The following CHN1 variants were observed in gnomAD, a reference collection of about 807,000 sequenced individuals.
CHN1 encodes the protein N-chimaerin.
CHN1 carries 37 observed loss-of-function variants against 59.5 expected under a neutral mutation model. The observed-to-expected ratio is 0.62, with a 90% confidence interval of 0.48 to 0.82. CHN1 has a LOEUF of 0.82. CHN1 is among the 40% of genes least tolerant of loss of function. CHN1 has a pLI of 0.00. For missense variants in CHN1, 469 were observed against 571.0 expected (o/e 0.82, Z 1.82); for synonymous variants, 206 against 200.4 (o/e 1.03, Z -0.24).
At chr2:174,817,786 C>T (rs372152913) in intron 8 of CHN1, among the ~76,000 whole-genome samples, 40 of 152,154 alleles carry the variant, frequency 2.6e-4, no homozygotes, top group African/African-American at 8.4e-4. Flanking sequence ...TACAGGCGCC[C>T]GCCACCACGC....
intron 5 of CHN1, among the ~76,000 whole-genome samples, chr2:174,891,582 G>T (rs1443044782): frequency 6.8e-6 from 1 of 147,698 alleles, no homozygotes; most frequent in South Asian, 2.1e-4. Flanking sequence ...AAAAAAAAAA[G>T]AAAAAAAAGA....
Position 174,801,793 on chromosome 2 carries a change from C to G in CHN1, c.1122G>C (p.Glu374Asp), listed in dbSNP as rs1171573330. The G allele has an allele frequency of 6.2e-7, 1 of 1,612,820 alleles. No individual in the cohort carries two copies. Among genetic ancestry groups the G allele is most frequent in the South Asian group, 1.1e-5 (1 of 91,052 alleles). Residue 374 changes from glutamate (E) to aspartate (D), a missense_variant, in exon 12 of 13, where the codon GAG becomes GAC. Transcript: ENST00000409900. ...GTGCTTCATGAAGGGTTTCCAATTG[C>G]TCATCCGGATCCATAATTTCTAAAA... ...IESAKIMDPD[E>D]QLETLHEALK...
At chr2:174,866,279 T>A (rs1373508604) in intron 6 of CHN1, among the ~76,000 whole-genome samples, 1 of 152,184 alleles carries the variant, frequency 6.6e-6, no homozygotes, top group Non-Finnish European at 1.5e-5. Flanking sequence ...CTTTTAGGAA[T>A]CTTAACACCA....
intron 5 of CHN1, among the ~76,000 whole-genome samples, chr2:174,907,914 T>C (rs1415645150): frequency 6.6e-6 from 1 of 152,156 alleles, no homozygotes; most frequent in East Asian, 1.9e-4. Flanking sequence ...TAAAAGAAAA[T>C]ATAATTTTCC....
chr2:174,811,476 T>C (rs1158142241), intron 10 of CHN1, 35 bp downstream of exon 10: 3 of 1,455,900 alleles, frequency 2.1e-6, no homozygotes, highest in Admixed American at 3.7e-5. Flanking sequence ...AAGAGTATTA[T>C]TGTCCTAAGT....
chr2:174,993,142 A>C (rs1691601607), intron 1 of CHN1, among the ~76,000 whole-genome samples: 1 of 147,536 alleles, frequency 6.8e-6, no homozygotes, highest in African/African-American at 2.5e-5. Flanking sequence ...TTGTTATATG[A>C]TCACACTGAC....
chr2:174,800,562 A>G (rs1684687764), intron 12 of CHN1, among the ~76,000 whole-genome samples: 1 of 152,366 alleles, frequency 6.6e-6, no homozygotes, highest in Non-Finnish European at 1.5e-5. Context: ...CTCCTGCCAC[A>G]GCCCACCTAC....
chr2:175,005,331 A>T lies in CHN1; in HGVS notation c.-419T>A. ...GCACAGCCCCCGGCGGGGCGCGCTC[A>T]CTCCGCATCCCGCGGCCTCGCAGAC... On this transcript the variant is annotated 5_prime_UTR_variant, in exon 1 of 13. It removes the in-frame stop codon of an upstream open reading frame in the 5' UTR. Coordinates refer to ENST00000409900, the MANE Select transcript of CHN1 (RefSeq NM_001822.7). 2 of 1,169,446 alleles carry T rather than the reference A, an allele frequency of 1.7e-6. No individual in the cohort carries two copies. Among genetic ancestry groups the T allele is most frequent in the Non-Finnish European group, 2.2e-6 (2 of 929,730 alleles). 72.4% of individuals were successfully genotyped at this position (1,169,446 alleles called of 1,614,324 possible).
rs570172097 is a variant in CHN1 at position 174,874,236 on chromosome 2, A to T, written c.549+3604T>A. ...TTGTATTCACTACTTGGAATACCAA[A>T]CTATTCAAATACAGTTCCAAGATAA... On this transcript the variant is annotated intron_variant, in intron 6 of 12. Coordinates refer to ENST00000409900, the MANE Select transcript of CHN1 (RefSeq NM_001822.7). 1.8e-4 allele frequency among the ~76,000 whole-genome samples: 28 copies of T among 152,334 alleles called. No homozygotes were observed. The South Asian group carries it at 5.8e-3, about 32-fold the overall frequency.
chr2:174,814,599 T>C (rs1685180178), intron 8 of CHN1, among the ~76,000 whole-genome samples: 1 of 152,232 alleles, frequency 6.6e-6, no homozygotes, highest in African/African-American at 2.4e-5. Context: ...TTTATTAGTG[T>C]TCATGTGAGG....
intron 6 of CHN1, among the ~76,000 whole-genome samples, chr2:174,872,891 A>C (rs1399619477): frequency 1.3e-5 from 2 of 152,204 alleles, no homozygotes; most frequent in Admixed American, 1.3e-4. Flanking sequence ...GGAAGGCCAC[A>C]TTACAAAATC....
intron 1 of CHN1, among the ~76,000 whole-genome samples, chr2:174,999,909 T>C (rs1472142417): frequency 2.0e-5 from 3 of 152,202 alleles, no homozygotes; most frequent in Non-Finnish European, 4.4e-5. Context: ...CTGTCTTCTA[T>C]GTTCAAAAAT....
At chr2:174,802,138 G>A (rs1202262815) in intron 11 of CHN1, 6 of 276,420 alleles carry the variant, frequency 2.2e-5, no homozygotes, top group African/African-American at 8.8e-5. Context: ...CAGACGTGTC[G>A]ACACAGATAA....
chr2:174,864,930 T>C (rs9653296), intron 6 of CHN1, among the ~76,000 whole-genome samples: 46,154 of 152,080 alleles, frequency 0.3, 8,486 homozygotes, highest in South Asian at 0.48. Context: ...ATGTGTAATT[T>C]ACACAACCAC....
At chr2:174,830,497 A>G (rs1415493665) in intron 7 of CHN1, among the ~76,000 whole-genome samples, 2 of 152,190 alleles carry the variant, frequency 1.3e-5, no homozygotes, top group Admixed American at 6.5e-5. Context: ...GTAATAATGT[A>G]TTAACAAAGA....
intron 5 of CHN1, among the ~76,000 whole-genome samples, chr2:174,891,444 C>T (rs1334003750): frequency 6.6e-6 from 1 of 151,372 alleles, no homozygotes; most frequent in African/African-American, 2.4e-5. Context: ...GTGGTGGGCA[C>T]TTGTAATCCC....
chr2:174,934,380 C>T (rs191689505), intron 3 of CHN1, among the ~76,000 whole-genome samples: 4 of 152,316 alleles, frequency 2.6e-5, no homozygotes, highest in Non-Finnish European at 5.9e-5. Context: ...AATGCCACTA[C>T]TGATCTGACA....
At chr2:174,914,789 G>A (rs1049044467) in intron 5 of CHN1, among the ~76,000 whole-genome samples, 2 of 148,230 alleles carry the variant, frequency 1.3e-5, no homozygotes, top group Non-Finnish European at 3.0e-5. Flanking sequence ...GGGTTGCAGT[G>A]AGCCGAGATC....
intron 6 of CHN1, chr2:174,847,274 G>C: frequency 2.2e-6 from 3 of 1,376,868 alleles, no homozygotes; most frequent in Non-Finnish European, 2.8e-6. Context: ...AGAGGTGGAG[G>C]AGGAGGATGA....
Sources: allele counts gnomAD v4.1 joint callset (sites outside exome capture counted in the v4.1 genomes callset), GRCh38; gene constraint gnomAD v4.1.1; transcripts MANE v1.5; gene names NCBI Gene and HGNC (gene_info 2026-07-23, HGNC 2026-07-21).